Variants in SEMA4F observed in about 807,000 individuals in gnomAD.
The protein encoded by SEMA4F is semaphorin-4F.
Under a neutral mutation model 78.4 loss-of-function variants are expected in SEMA4F, and 51 were observed. The observed-to-expected ratio is 0.65, with a 90% CI of 0.52 to 0.82. SEMA4F has a LOEUF of 0.82. SEMA4F is among the 40% of genes least tolerant of loss of function. The pLI is 0.00. For missense variants in SEMA4F, 938 were observed against 1,014.4 expected, an observed-to-expected ratio of 0.92 and a Z score of 1.02; for synonymous variants, 418 against 408.7, an observed-to-expected ratio of 1.02 and a Z score of -0.27.
chr2:74,675,412 T>A (rs368997283), intron 10 of SEMA4F, 28 bp downstream of exon 10: 1 of 1,605,138 alleles, frequency 6.2e-7, no homozygotes. Context: ...GCAGGCTGCC[T>A]ACCTAGTGCA....
chr2:74,674,243 G>A (rs934444130), intron 7 of SEMA4F, among the ~76,000 whole-genome samples: 6 of 152,146 alleles, frequency 3.9e-5, no homozygotes, highest in African/African-American at 1.2e-4. Context: ...GGTAACTTAC[G>A]TAAAACACAT....
At chr2:74,667,333 A>G (rs1296571736) in intron 5 of SEMA4F, among the ~76,000 whole-genome samples, 1 of 152,202 alleles carries the variant, frequency 6.6e-6, no homozygotes, top group Non-Finnish European at 1.5e-5. Flanking sequence ...GCTAGGTGTA[A>G]GAGTATAGAT....
At chr2:74,701,288 C>T in the SEMA4F span, among the ~76,000 whole-genome samples, 8 of 152,136 alleles carry the variant, frequency 5.3e-5, no homozygotes, top group African/African-American at 1.9e-4. Context: ...CCTTCCTTAC[C>T]CAGCCTGGGA....
At position 74,654,437 on chromosome 2, in the gene SEMA4F, C is replaced by A. The variant is rs777800951; in HGVS notation, c.61C>A (p.Pro21Thr). The A allele has an allele frequency of 5.1e-6, 8 of 1,570,886 alleles. No homozygotes were observed. The East Asian group carries it at 1.2e-4, about 24-fold the overall frequency. Residue 21 changes from proline to threonine, a missense_variant, in exon 1 of 14, where the codon CCG becomes ACG. Pro to Thr is a conservative substitution (Grantham distance 38). Coordinates refer to ENST00000357877, the MANE Select transcript of SEMA4F (RefSeq NM_004263.5). The stretch of plus-strand genomic sequence containing the variant: ...CGGGCAGCCTACAGCCTCGCCCTTC[C>A]CGCTACTGCTGCTGGCGGTGCTGAG... ...GPGQPTASPF[P>T]LLLLAVLSGP...
intron 7 of SEMA4F, among the ~76,000 whole-genome samples, chr2:74,674,180 A>C (rs947284465): frequency 2.0e-5 from 3 of 152,198 alleles, no homozygotes; most frequent in African/African-American, 7.2e-5. Flanking sequence ...CTTGTCTATA[A>C]AAAGAGGATA....
Position 74,674,538 on chromosome 2 carries a change from CG to C in SEMA4F, c.864del (p.Thr289ArgfsTer3). On this transcript the variant is annotated frameshift_variant, in exon 8 of 14. Transcript: ENST00000357877. LOFTEE classifies it high-confidence loss of function. ...CGGAAGACCCTCCAGCAGAGATGGA[CG>C]ACGTTTTTGAAAGCTGACCTGCTCT... ...GGRKTLQQRW[T>X]TFLKADLLCP... The C allele has an allele frequency of 6.2e-7, 1 of 1,614,002 alleles. No homozygotes were observed. The highest frequency in any genetic ancestry group is 8.5e-7 in the Non-Finnish European group (1 of 1,179,980).
At chr2:74,706,645 A>T in the SEMA4F span, among the ~76,000 whole-genome samples, 1 of 152,198 alleles carries the variant, frequency 6.6e-6, no homozygotes, top group Non-Finnish European at 1.5e-5. Context: ...AGTTTCTGAC[A>T]CAGGCAGTAC....
intron 5 of SEMA4F, among the ~76,000 whole-genome samples, chr2:74,671,017 G>A (rs1558727975): frequency 6.6e-6 from 1 of 151,146 alleles, no homozygotes. Context: ...TTAACCCTTA[G>A]CACTATTCTG....
the SEMA4F span, among the ~76,000 whole-genome samples, chr2:74,698,224 A>T: frequency 2.0e-5 from 3 of 152,380 alleles, no homozygotes; most frequent in Middle Eastern, 3.4e-3. Flanking sequence ...AAGGGACTAG[A>T]CAAAGCTGGA....
the SEMA4F span, among the ~76,000 whole-genome samples, chr2:74,692,286 A>C: frequency 2.0e-5 from 3 of 152,196 alleles, no homozygotes; most frequent in Admixed American, 1.3e-4. Context: ...AAAGGCAGAC[A>C]CAGAGTTCAT....
downstream of SEMA4F, among the ~76,000 whole-genome samples, chr2:74,687,268 GGTCA>G (rs1685843941): frequency 6.6e-6 from 1 of 152,142 alleles, no homozygotes; most frequent in African/African-American, 2.4e-5. Flanking sequence ...AAGTCCTTCT[GGTCA>G]GTCAGGCTTT....
chr2:74,679,506 C>A, intron 13 of SEMA4F, 93 bp from the exon 14 acceptor site: 2 of 1,523,740 alleles, frequency 1.3e-6, no homozygotes, highest in South Asian at 1.2e-5. Flanking sequence ...TCTCCATAGC[C>A]CCTTTTCATG....
chr2:74,654,557 G>GCCCACA (rs763470612), intron 1 of SEMA4F, 36 bp downstream of exon 1: 459 of 1,507,390 alleles, frequency 3.0e-4, no homozygotes, highest in East Asian at 4.9e-4. Context: ...AGCCCTTCGC[G>GCCCACA]CCCACACCCA....
the SEMA4F span, among the ~76,000 whole-genome samples, chr2:74,694,060 C>G: frequency 6.6e-6 from 1 of 152,194 alleles, no homozygotes; most frequent in African/African-American, 2.4e-5. Flanking sequence ...CTCAGGTAAA[C>G]AGAGTTTAGA....
rs1273047237 is a variant in SEMA4F, at chr2:74,662,838, A to G, written c.550+13A>G. On this transcript the variant is annotated intron_variant, in intron 5 of 13. Coordinates refer to ENST00000357877, the MANE Select transcript of SEMA4F (RefSeq NM_004263.5). The stretch of plus-strand genomic sequence containing the variant: ...GCTGTAATGGCTGGTGAGTGGGGAG[A>G]GACAAGAACCTGTAACTTCTTGCTA... The G allele has an allele frequency of 6.2e-7, 1 of 1,611,832 alleles. No individual in the cohort carries two copies. Among genetic ancestry groups the G allele is most frequent in the Admixed American group, 1.7e-5 (1 of 60,012 alleles).
At chr2:74,677,686 A>G (rs1436325847) in intron 12 of SEMA4F, among the ~76,000 whole-genome samples, 1 of 152,210 alleles carries the variant, frequency 6.6e-6, no homozygotes, top group Non-Finnish European at 1.5e-5. Context: ...GAGATTTCCT[A>G]TTTTGAAGTC....
intron 1 of SEMA4F, among the ~76,000 whole-genome samples, 158 bp downstream of exon 1, chr2:74,654,679 A>G (rs1016631138): frequency 5.3e-5 from 8 of 151,740 alleles, no homozygotes; most frequent in Non-Finnish European, 1.2e-4. Flanking sequence ...AGATCTTCGC[A>G]CTTCACCGCA....
At chr2:74,686,169 A>T (rs1190632159), downstream of SEMA4F, among the ~76,000 whole-genome samples, 1 of 151,036 alleles carries the variant, frequency 6.6e-6, no homozygotes, top group East Asian at 1.9e-4. Context: ...GCGTGATCTC[A>T]GCTCACTGCA....
In SEMA4F at chr2:74,679,802, G is replaced by A. The variant is rs759807599; in HGVS notation, c.1906G>A (p.Ala636Thr). Residue 636 changes from alanine to threonine, a missense_variant, in exon 14 of 14, where the codon GCC (alanine) becomes ACC (threonine). Ala to Thr is a moderately conservative substitution (Grantham distance 58, BLOSUM62 0). Transcript: ENST00000357877. ...YACECQEGGA[A>T]HVVAAYSLVW... Reference sequence around the variant, plus strand: ...CTGTGAATGTCAGGAGGGTGGGGCAGCCCATGTGGTAGCAGCTTACAGCTT... The same window carrying A: ...CTGTGAATGTCAGGAGGGTGGGGCAACCCATGTGGTAGCAGCTTACAGCTT... The A allele has an allele frequency of 6.2e-7, 1 of 1,614,216 alleles. No individual in the cohort carries two copies. The highest frequency in any genetic ancestry group is 1.7e-5 in the Admixed American group (1 of 60,028).
Sources: allele counts gnomAD v4.1 joint callset (sites outside exome capture counted in the v4.1 genomes callset), GRCh38; gene constraint gnomAD v4.1.1; transcripts MANE v1.5; gene names NCBI Gene and HGNC (gene_info 2026-07-23, HGNC 2026-07-21).